Variants in IPCEF1 observed in about 807,000 individuals in gnomAD.
IPCEF1 encodes interaction protein for cytohesin exchange factors 1.
In IPCEF1, 31 loss-of-function variants were observed where a neutral mutation model predicts 50.9. That is an observed-to-expected ratio of 0.61 (90% CI 0.46 to 0.82). IPCEF1 has a LOEUF of 0.82. IPCEF1 is among the 40% of genes least tolerant of loss of function. The pLI is 0.00. For missense variants in IPCEF1, 458 were observed against 514.0 expected (o/e 0.89, Z 1.05); for synonymous variants, 181 against 192.0 (o/e 0.94, Z 0.47).
In IPCEF1 at chr6:154,155,936, T is replaced by C. The variant is rs1167555895; in HGVS notation, c.*3892A>G. The C allele has an allele frequency of 6.6e-6, 1 of 152,244 alleles. No homozygotes were observed. The highest frequency in any genetic ancestry group is 1.5e-5 in the Non-Finnish European group (1 of 68,038). 9.4% of individuals were successfully genotyped at this position (152,244 alleles called of 1,614,324 possible). A position where few individuals can be genotyped will look rare whatever the true frequency, so the allele number is the denominator to read the frequency against. ...GTGACATTGTTTGTGACTGGAGTGC[T>C]ACCTGAGTAAATTATCATGATTACA... is the stretch of plus-strand genomic sequence containing the variant. On this transcript the variant is annotated 3_prime_UTR_variant, in exon 12 of 12. Transcript: ENST00000367220.
At chr6:154,182,101 A>G (rs574802426) in intron 10 of IPCEF1, among the ~76,000 whole-genome samples, 1 of 152,350 alleles carries the variant, frequency 6.6e-6, no homozygotes, top group South Asian at 2.1e-4. Flanking sequence ...ATTCCATGAG[A>G]AACTGAACAT....
chr6:154,285,836 C>T (rs529569391), intron 2 of IPCEF1, among the ~76,000 whole-genome samples: 19 of 152,230 alleles, frequency 1.2e-4, no homozygotes, highest in South Asian at 4.1e-4. Context: ...TGGCCCCACA[C>T]GTTTCTGTAC....
At chr6:154,229,866 GA>G (rs1779587975) in intron 5 of IPCEF1, among the ~76,000 whole-genome samples, 1 of 152,188 alleles carries the variant, frequency 6.6e-6, no homozygotes, top group Admixed American at 6.5e-5. Flanking sequence ...GCCATACGAC[GA>G]AATGCTATTT....
chr6:154,244,297 G>GGGGGGTGT (rs1307383951), intron 5 of IPCEF1, among the ~76,000 whole-genome samples: 1 of 76,804 alleles, frequency 1.3e-5, no homozygotes, highest in African/African-American at 5.8e-5. Context: ...TGTGTGTGTG[G>GGGGGGTGT]GTGGGTGTGT....
At chr6:154,247,596 TA>T (rs577036239) in intron 3 of IPCEF1, 108 bp from the exon 4 acceptor site, 329 of 869,034 alleles carry the variant, frequency 3.8e-4, no homozygotes, top group South Asian at 5.6e-4. Context: ...GGATGGAATC[TA>T]AAAAAAAACT....
intron 3 of IPCEF1, among the ~76,000 whole-genome samples, chr6:154,256,942 G>T (rs1781476548): frequency 6.6e-6 from 1 of 152,170 alleles, no homozygotes; most frequent in South Asian, 2.1e-4. Flanking sequence ...ATTTTGCCCG[G>T]TGGTGGGCTA....
Position 154,265,286 on chromosome 6 carries a change from GT to G in IPCEF1, c.36+625del, listed in dbSNP as rs572825271. On this transcript the variant is annotated intron_variant, in intron 3 of 11. Transcript: ENST00000367220. ...ATGATTTCAGTGAAATTATTATTAT[GT>G]TTTTTTTTTTTGAGGCGGAGTCTCG... is the stretch of plus-strand genomic sequence containing the variant. Among the ~76,000 whole-genome samples, 1,080 of 145,696 alleles carry G rather than the reference GT, an allele frequency of 7.4e-3. 10 individuals carry two copies. Among genetic ancestry groups the G allele is most frequent in the African/African-American group, 0.025 (983 of 39,946 alleles).
At chr6:154,246,783 T>C in intron 4 of IPCEF1, 23 bp from the exon 5 acceptor site, 2 of 1,612,130 alleles carry the variant, frequency 1.2e-6, no homozygotes, top group Non-Finnish European at 1.7e-6. Flanking sequence ...CATGAAGAGG[T>C]AGATAATGTA....
chr6:154,268,801 C>T (rs542790524), intron 2 of IPCEF1, among the ~76,000 whole-genome samples: 61 of 151,638 alleles, frequency 4.0e-4, no homozygotes, highest in Non-Finnish European at 8.7e-4. Flanking sequence ...CATTTCAGAG[C>T]CTTGGTGCAT....
intron 5 of IPCEF1, among the ~76,000 whole-genome samples, chr6:154,227,902 T>G (rs957707802): frequency 2.0e-5 from 3 of 148,542 alleles, no homozygotes; most frequent in Non-Finnish European, 4.4e-5. Context: ...AAGCAGAAGC[T>G]TTTTTTTTAT....
chr6:154,276,207 AAG>A (rs905369867), intron 2 of IPCEF1, among the ~76,000 whole-genome samples: 11 of 151,442 alleles, frequency 7.3e-5, no homozygotes, highest in African/African-American at 1.9e-4. Context: ...GAAAGAGAAA[AAG>A]AGAGAGAGAG....
At chr6:154,324,049 T>C (rs1783459370) in intron 1 of IPCEF1, among the ~76,000 whole-genome samples, 1 of 152,238 alleles carries the variant, frequency 6.6e-6, no homozygotes, top group African/African-American at 2.4e-5. Context: ...TGGGACTTCA[T>C]TTTATTATTT....
At chr6:154,343,334 G>GTGAAAT (rs1445388542) in intron 1 of IPCEF1, among the ~76,000 whole-genome samples, 2 of 126,054 alleles carry the variant, frequency 1.6e-5, no homozygotes, top group Non-Finnish European at 3.5e-5. Context: ...AGTGAAATAA[G>GTGAAAT]AAGAAAAAGA....
intron 3 of IPCEF1, among the ~76,000 whole-genome samples, chr6:154,261,940 A>C (rs1328330419): frequency 6.6e-6 from 1 of 152,232 alleles, no homozygotes; most frequent in Non-Finnish European, 1.5e-5. Context: ...AGATGTGATT[A>C]GGTCAAAGGT....
chr6:154,198,129 T>A (rs1444683542), intron 10 of IPCEF1, among the ~76,000 whole-genome samples: 1 of 152,204 alleles, frequency 6.6e-6, no homozygotes. Flanking sequence ...AAGGAATGCA[T>A]TCCTTTCCAA....
intron 5 of IPCEF1, among the ~76,000 whole-genome samples, chr6:154,226,085 TGTC>T: frequency 6.6e-6 from 1 of 152,236 alleles, no homozygotes; most frequent in East Asian, 1.9e-4. Flanking sequence ...CTTGTTCTCC[TGTC>T]TGTTTCTTAA....
rs148889630 is a variant in IPCEF1 at position 154,206,708 on chromosome 6, C to A, written c.537+6062G>T. On this transcript the variant is annotated intron_variant, in intron 9 of 11. Transcript: ENST00000367220. ...ACTAGAGATGTTCTCATGAAGGAAT[C>A]TACATCTGAAGCTACCATTTTGAAA... Among the ~76,000 whole-genome samples, 228 of 152,296 alleles carry A rather than the reference C, an allele frequency of 1.5e-3. 1 individual carries two copies. The highest frequency in any genetic ancestry group is 5.2e-3 in the African/African-American group (218 of 41,568).
rs146066419 is a variant in IPCEF1, at chr6:154,308,261, C to T, written c.-61-18505G>A. ...TTCCAAGTAGCTGGGACTATTGGTGCGTGCCACCATGCCCTGCTAATTTTT... is the reference window on the plus strand; with the variant it reads ...TTCCAAGTAGCTGGGACTATTGGTGTGTGCCACCATGCCCTGCTAATTTTT... On this transcript the variant is annotated intron_variant, in intron 1 of 11. Transcript: ENST00000367220. Among the ~76,000 whole-genome samples the T allele has an allele frequency of 6.0e-3, 906 of 152,260 alleles. 30 individuals are homozygous for T. Among genetic ancestry groups the T allele is most frequent in the Admixed American group, 0.053 (814 of 15,284 alleles).
intron 5 of IPCEF1, among the ~76,000 whole-genome samples, chr6:154,234,354 T>C (rs1047126913): frequency 6.6e-6 from 1 of 152,126 alleles, no homozygotes; most frequent in African/African-American, 2.4e-5. Flanking sequence ...AAGGAGAACT[T>C]TATTAACTTT....
Sources: allele counts gnomAD v4.1 joint callset (sites outside exome capture counted in the v4.1 genomes callset), GRCh38; gene constraint gnomAD v4.1.1; transcripts MANE v1.5; gene names NCBI Gene and HGNC (gene_info 2026-07-23, HGNC 2026-07-21).